The following MRPL41 variants were observed in gnomAD, a reference collection of about 807,000 sequenced individuals.
The protein encoded by MRPL41 is mitochondrial ribosomal protein L41.
MRPL41 carries 2 observed loss-of-function variants against 3.3 expected under a neutral mutation model. The ratio of observed to expected loss-of-function variants is 0.60; its 90% CI spans 0.25 to 1.90. MRPL41 has a LOEUF of 1.90. Among genes scored for constraint, MRPL41 ranks in the 40% most tolerant of loss-of-function variants. The pLI is 0.16. For missense variants in MRPL41, 161 were observed against 192.2 expected, an observed-to-expected ratio of 0.84 and a Z score of 0.96; for synonymous variants, 93 against 85.7, an observed-to-expected ratio of 1.08 and a Z score of -0.47.
Position 137,552,405 on chromosome 9 carries a change from C to T in MRPL41, c.324C>T (p.Thr108=), listed in dbSNP as rs779927227. ...PAIEKDFKDG[T]FDPDNLEKYG... is the part of the protein sequence containing the mutation. ...TCGAAAAGGACTTCAAGGACGGTAC[C>T]TTCGACCCTGACAACCTGGAAAAGT... The change falls in exon 2 of 2, where the codon ACC becomes ACT. Residue 108 remains threonine, a synonymous_variant. Transcript: ENST00000371443. 3 of 1,609,086 alleles carry T rather than the reference C, an allele frequency of 1.9e-6. No homozygotes were observed. Among genetic ancestry groups the T allele is most frequent in the Admixed American group, 1.7e-5 (1 of 59,670 alleles).
chr9:137,552,225 G>A lies in MRPL41; in HGVS notation c.144G>A (p.Trp48Ter), dbSNP rs1836987389. The change falls in exon 2 of 2, where the codon TGG (tryptophan) becomes TGA (stop). Residue 48 changes from tryptophan to a stop codon, truncating the protein, a stop_gained. Transcript: ENST00000371443. LOFTEE classifies it low-confidence loss of function (END_TRUNC). ...GCATCGGCTTCCTCACCTCGGGCTGGAGGTTCGTGCAGATCAAGGAGATGG... is the reference window on the plus strand; with the variant it reads ...GCATCGGCTTCCTCACCTCGGGCTGAAGGTTCGTGCAGATCAAGGAGATGG... The part of the protein sequence containing the change: ...AKGIGFLTSG[W>*]RFVQIKEMVP... The A allele has an allele frequency of 1.3e-6, 2 of 1,570,892 alleles. No homozygotes were observed. Among genetic ancestry groups the A allele is most frequent in the African/African-American group, 2.8e-5 (2 of 72,516 alleles).
chr9:137,552,192 C>T lies in MRPL41; in HGVS notation c.111C>T (p.Gly37=). 1 of 1,558,568 alleles carries T rather than the reference C, an allele frequency of 6.4e-7. No individual in the cohort carries two copies. The highest frequency in any genetic ancestry group is 8.7e-7 in the Non-Finnish European group (1 of 1,154,402). ...GCTTCAGGGGCCGCAAGGGCCGGGG[C>T]GCCAAGGGCATCGGCTTCCTCACCT... is the stretch of plus-strand genomic sequence containing the variant. ...PRSFRGRKGR[G]AKGIGFLTSG... The change falls in exon 2 of 2, where the codon GGC becomes GGT. Residue 37 remains glycine, a synonymous_variant. Transcript: ENST00000371443.
Position 137,552,551 on chromosome 9 carries a change from A to T in MRPL41, c.*56A>T. ...CTCATTTCTATTAAACGCCTTTGCCAGCTATACGGTGTTTGTTTTTTGGCC... is the reference window on the plus strand; with the variant it reads ...CTCATTTCTATTAAACGCCTTTGCCTGCTATACGGTGTTTGTTTTTTGGCC... On this transcript the variant is annotated 3_prime_UTR_variant, in exon 2 of 2. Coordinates refer to ENST00000371443, the MANE Select transcript of MRPL41 (RefSeq NM_032477.3). 1 of 1,457,850 alleles carries T rather than the reference A, an allele frequency of 6.9e-7. No homozygotes were observed. Among genetic ancestry groups the T allele is most frequent in the Non-Finnish European group, 9.1e-7 (1 of 1,096,894 alleles). 90.3% of individuals were successfully genotyped at this position (1,457,850 alleles called of 1,614,324 possible).
At position 137,552,139 on chromosome 9, in the gene MRPL41, A is replaced by G; in HGVS notation, c.58A>G (p.Lys20Glu). The change falls in exon 2 of 2, where the codon AAG becomes GAG. Residue 20 changes from lysine to glutamate, a missense_variant. By Grantham distance (56) the Lys-to-Glu change is moderately conservative. Transcript: ENST00000371443. ...CLVRGADRMS[K>E]WTSKRGPRSF... ...GGTCCGGGGTGCGGACCGAATGAGCAAGTGGACGAGCAAGCGGGGCCCGCG... is the reference window on the plus strand; with the variant it reads ...GGTCCGGGGTGCGGACCGAATGAGCGAGTGGACGAGCAAGCGGGGCCCGCG... 3.4e-6 allele frequency: 5 copies of G among 1,480,908 alleles called. No individual in the cohort carries two copies. The highest frequency in any genetic ancestry group is 4.5e-6 in the Non-Finnish European group (5 of 1,116,926). 91.7% of individuals were successfully genotyped at this position (1,480,908 alleles called of 1,614,324 possible). A position where few individuals can be genotyped will look rare whatever the true frequency, so the allele number is the denominator to read the frequency against.
In MRPL41 at chr9:137,552,083, TG is replaced by T; in HGVS notation, c.5del (p.Gly2?). The T allele has an allele frequency of 1.5e-6, 2 of 1,368,380 alleles. No individual in the cohort carries two copies. The highest frequency in any genetic ancestry group is 1.9e-6 in the Non-Finnish European group (2 of 1,058,104). The allele number at this position is 1,368,380 out of a possible 1,614,324, so 84.8% of individuals were successfully genotyped here. On this transcript the variant is annotated frameshift_variant and start_lost, in exon 2 of 2. Transcript: ENST00000371443. LOFTEE classifies it low-confidence loss of function (END_TRUNC). [M>X]GVLAAAARCL... ...CTCTCTCCTCCCGCAGGGCGCGGCA[TG>T]GGCGTCCTGGCCGCAGCGGCGCGCT...
rs1312182147 is a variant in MRPL41 at position 137,552,256 on chromosome 9, G to A, written c.175G>A (p.Glu59Lys). The A allele has an allele frequency of 6.3e-7, 1 of 1,582,812 alleles. No individual in the cohort carries two copies. Among genetic ancestry groups the A allele is most frequent in the East Asian group, 2.3e-5 (1 of 43,786 alleles). Residue 59 changes from glutamate (E) to lysine (K), a missense_variant, in exon 2 of 2, where the codon GAG becomes AAG. Coordinates refer to ENST00000371443, the MANE Select transcript of MRPL41 (RefSeq NM_032477.3). ...CGTGCAGATCAAGGAGATGGTCCCG[G>A]AGTTCGTCGTCCCGGATCTGACCGG... ...RFVQIKEMVP[E>K]FVVPDLTGFK...
At position 137,552,185 on chromosome 9, in the gene MRPL41, G is replaced by T. The variant is rs1588743259; in HGVS notation, c.104G>T (p.Gly35Val). The T allele has an allele frequency of 6.4e-7, 1 of 1,556,032 alleles. No individual in the cohort carries two copies. Among genetic ancestry groups the T allele is most frequent in the Non-Finnish European group, 8.7e-7 (1 of 1,153,058 alleles). Residue 35 changes from glycine to valine, a missense_variant, in exon 2 of 2, where the codon GGC becomes GTC. By Grantham distance (109) the Gly-to-Val change is moderately radical. Transcript: ENST00000371443. ...RGPRSFRGRK[G>V]RGAKGIGFLT... is the part of the protein sequence containing the mutation. ...CCGCGCAGCTTCAGGGGCCGCAAGGGCCGGGGCGCCAAGGGCATCGGCTTC... is the reference window on the plus strand; with the variant it reads ...CCGCGCAGCTTCAGGGGCCGCAAGGTCCGGGGCGCCAAGGGCATCGGCTTC...
In MRPL41 at chr9:137,552,428, A is replaced by C. The variant is rs1389510118; in HGVS notation, c.347A>C (p.Lys116Thr). Reference sequence around the variant, plus strand: ...ACCTTCGACCCTGACAACCTGGAAAAGTACGGCTTCGAGCCCACACAGGAG... The same window carrying C: ...ACCTTCGACCCTGACAACCTGGAAACGTACGGCTTCGAGCCCACACAGGAG... ...DGTFDPDNLE[K>T]YGFEPTQEGK... is the part of the protein sequence containing the mutation. Residue 116 changes from lysine (K) to threonine (T), a missense_variant, in exon 2 of 2, where the codon AAG becomes ACG. Lys to Thr is a moderately conservative substitution (Grantham distance 78). Transcript: ENST00000371443. 6.2e-7 allele frequency: 1 copy of C among 1,605,184 alleles called. No individual in the cohort carries two copies. Among genetic ancestry groups the C allele is most frequent in the Non-Finnish European group, 8.5e-7 (1 of 1,175,922 alleles).
At position 137,552,379 on chromosome 9, in the gene MRPL41, A is replaced by G. The variant is rs1201407015; in HGVS notation, c.298A>G (p.Ile100Val). 6.2e-7 allele frequency: 1 copy of G among 1,611,084 alleles called. No homozygotes were observed. The highest frequency in any genetic ancestry group is 1.3e-5 in the African/African-American group (1 of 74,806). The change falls in exon 2 of 2, where the codon ATC (isoleucine) becomes GTC (valine). Residue 100 changes from isoleucine to valine, a missense_variant. Coordinates refer to ENST00000371443, the MANE Select transcript of MRPL41 (RefSeq NM_032477.3). ...QLFSEAVAPA[I>V]EKDFKDGTFD... ...CTTCAGCGAAGCCGTGGCGCCTGCCATCGAAAAGGACTTCAAGGACGGTAC... is the reference window on the plus strand; with the variant it reads ...CTTCAGCGAAGCCGTGGCGCCTGCCGTCGAAAAGGACTTCAAGGACGGTAC...
chr9:137,552,255 G>A lies in MRPL41; in HGVS notation c.174G>A (p.Pro58=), dbSNP rs149264137. 2.5e-4 allele frequency: 397 copies of A among 1,582,014 alleles called. 1 individual carries two copies. The East Asian group carries it at 7.3e-3, about 29-fold the overall frequency. Residue 58 remains proline (P), a synonymous_variant, in exon 2 of 2, where the codon CCG becomes CCA. Coordinates refer to ENST00000371443, the MANE Select transcript of MRPL41 (RefSeq NM_032477.3). ...WRFVQIKEMV[P]EFVVPDLTGF... ...TCGTGCAGATCAAGGAGATGGTCCCGGAGTTCGTCGTCCCGGATCTGACCG... is the reference window on the plus strand; with the variant it reads ...TCGTGCAGATCAAGGAGATGGTCCCAGAGTTCGTCGTCCCGGATCTGACCG...
In MRPL41 at chr9:137,551,963, G is replaced by A. The variant is rs1243097010; in HGVS notation, c.-24G>A. 3.7e-6 allele frequency: 3 copies of A among 814,084 alleles called. No individual in the cohort carries two copies. Among genetic ancestry groups the A allele is most frequent in the Non-Finnish European group, 4.9e-6 (3 of 609,426 alleles). 50.4% of individuals were successfully genotyped at this position (814,084 alleles called of 1,614,324 possible). A position where few individuals can be genotyped will look rare whatever the true frequency, so the allele number is the denominator to read the frequency against. On this transcript the variant is annotated 5_prime_UTR_variant, in exon 1 of 2. Transcript: ENST00000371443. ...AGCCGGGGCCGCTTGGAGCTCGTGT[G>A]GGGTCTCCGGTCCAGGTGAGTCTGT...
chr9:137,552,465 C>T lies in MRPL41; in HGVS notation c.384C>T (p.Phe128=). Residue 128 remains phenylalanine, a synonymous_variant, in exon 2 of 2, where the codon TTC becomes TTT. Coordinates refer to ENST00000371443, the MANE Select transcript of MRPL41 (RefSeq NM_032477.3). ...GFEPTQEGKL[F]QLYPRNFLR Reference sequence around the variant, plus strand: ...AGCCCACACAGGAGGGAAAGCTCTTCCAGCTCTACCCCAGGAACTTCCTGC... The same window carrying T: ...AGCCCACACAGGAGGGAAAGCTCTTTCAGCTCTACCCCAGGAACTTCCTGC... 1 of 1,576,330 alleles carries T rather than the reference C, an allele frequency of 6.3e-7. No individual in the cohort carries two copies. Among genetic ancestry groups the T allele is most frequent in the Non-Finnish European group, 8.6e-7 (1 of 1,158,986 alleles).
Position 137,552,446 on chromosome 9 carries a change from C to T in MRPL41, c.365C>T (p.Thr122Ile). ...CTGGAAAAGTACGGCTTCGAGCCCA[C>T]ACAGGAGGGAAAGCTCTTCCAGCTC... ...DNLEKYGFEP[T>I]QEGKLFQLYP... Residue 122 changes from threonine to isoleucine, a missense_variant, in exon 2 of 2, where the codon ACA becomes ATA. Physicochemically the swap from Thr to Ile is moderately conservative, Grantham distance 89. Transcript: ENST00000371443. 6.3e-7 allele frequency: 1 copy of T among 1,594,266 alleles called. No individual in the cohort carries two copies.
At position 137,551,962 on chromosome 9, in the gene MRPL41, T is replaced by TG. The variant is rs1382419167; in HGVS notation, c.-21dup. ...GAGCCGGGGCCGCTTGGAGCTCGTGTGGGGTCTCCGGTCCAGGTGAGTCTG... is the reference window on the plus strand; with the variant it reads ...GAGCCGGGGCCGCTTGGAGCTCGTGTGGGGGTCTCCGGTCCAGGTGAGTCTG... On this transcript the variant is annotated 5_prime_UTR_variant, in exon 1 of 2. Transcript: ENST00000371443. The TG allele has an allele frequency of 5.1e-6, 4 of 791,778 alleles. No individual in the cohort carries two copies. Among genetic ancestry groups the TG allele is most frequent in the Non-Finnish European group, 6.8e-6 (4 of 589,902 alleles). 49.0% of individuals were successfully genotyped at this position (791,778 alleles called of 1,614,324 possible).
chr9:137,551,912 C>G lies in MRPL41; in HGVS notation c.-75C>G, dbSNP rs939138973. The G allele has an allele frequency of 2.2e-5, 10 of 456,214 alleles. No individual in the cohort carries two copies. Among genetic ancestry groups the G allele is most frequent in the Non-Finnish European group, 3.5e-5 (10 of 284,208 alleles). 28.3% of individuals were successfully genotyped at this position (456,214 alleles called of 1,614,324 possible). Reference sequence around the variant, plus strand: ...TGCGACGCAGCGGTCGGAAGCGGAGCAAGGTCGAGGCCGGGTTGGCGCCGG... The same window carrying G: ...TGCGACGCAGCGGTCGGAAGCGGAGGAAGGTCGAGGCCGGGTTGGCGCCGG... On this transcript the variant is annotated 5_prime_UTR_variant, in exon 1 of 2. Coordinates refer to ENST00000371443, the MANE Select transcript of MRPL41 (RefSeq NM_032477.3).
rs369439866 is a variant in MRPL41 at position 137,552,106 on chromosome 9, C to T, written c.25C>T (p.Arg9Cys). Reference sequence around the variant, plus strand: ...CATGGGCGTCCTGGCCGCAGCGGCGCGCTGCCTGGTCCGGGGTGCGGACCG... The same window carrying T: ...CATGGGCGTCCTGGCCGCAGCGGCGTGCTGCCTGGTCCGGGGTGCGGACCG... MGVLAAAA[R>C]CLVRGADRMS... Residue 9 changes from arginine to cysteine, a missense_variant, in exon 2 of 2, where the codon CGC becomes TGC. Coordinates refer to ENST00000371443, the MANE Select transcript of MRPL41 (RefSeq NM_032477.3). The T allele has an allele frequency of 1.3e-5, 18 of 1,405,114 alleles. No individual in the cohort carries two copies. The African/African-American group carries it at 2.4e-4, about 19-fold the overall frequency. The allele number at this position is 1,405,114 out of a possible 1,614,324, so 87.0% of individuals were successfully genotyped here.
Position 137,551,927 on chromosome 9 carries a change from G to C in MRPL41, c.-60G>C. The C allele has an allele frequency of 1.9e-6, 1 of 531,576 alleles. No homozygotes were observed. The highest frequency in any genetic ancestry group is 2.8e-6 in the Non-Finnish European group (1 of 352,366). The allele number at this position is 531,576 out of a possible 1,614,324, so 32.9% of individuals were successfully genotyped here. On this transcript the variant is annotated 5_prime_UTR_variant, in exon 1 of 2. Coordinates refer to ENST00000371443, the MANE Select transcript of MRPL41 (RefSeq NM_032477.3). ...GGAAGCGGAGCAAGGTCGAGGCCGGGTTGGCGCCGGAGCCGGGGCCGCTTG... is the reference window on the plus strand; with the variant it reads ...GGAAGCGGAGCAAGGTCGAGGCCGGCTTGGCGCCGGAGCCGGGGCCGCTTG...
rs1482071860 is a variant in MRPL41 at position 137,552,371 on chromosome 9, C to T, written c.290C>T (p.Ala97Val). 6.2e-7 allele frequency: 1 copy of T among 1,611,496 alleles called. No homozygotes were observed. The highest frequency in any genetic ancestry group is 2.2e-5 in the East Asian group (1 of 44,670). ...TAAQLFSEAV[A>V]PAIEKDFKDG... ...GCGCAGCTCTTCAGCGAAGCCGTGG[C>T]GCCTGCCATCGAAAAGGACTTCAAG... Residue 97 changes from alanine to valine, a missense_variant, in exon 2 of 2, where the codon GCG (alanine) becomes GTG (valine). Transcript: ENST00000371443.
In MRPL41 at chr9:137,552,154, CG is replaced by C. The variant is rs1347050163; in HGVS notation, c.77del (p.Gly26AlafsTer40). 2.0e-6 allele frequency: 3 copies of C among 1,509,008 alleles called. No homozygotes were observed. Among genetic ancestry groups the C allele is most frequent in the Non-Finnish European group, 2.7e-6 (3 of 1,132,054 alleles). The allele number at this position is 1,509,008 out of a possible 1,614,324, so 93.5% of individuals were successfully genotyped here. A position where few individuals can be genotyped will look rare whatever the true frequency, so the allele number is the denominator to read the frequency against. On this transcript the variant is annotated frameshift_variant, in exon 2 of 2. Transcript: ENST00000371443. LOFTEE classifies it low-confidence loss of function (END_TRUNC). ...ADRMSKWTSK[R>X]GPRSFRGRKG... ...CCGAATGAGCAAGTGGACGAGCAAGCGGGGCCCGCGCAGCTTCAGGGGCCGC... is the reference window on the plus strand; with the variant it reads ...CCGAATGAGCAAGTGGACGAGCAAGCGGGCCCGCGCAGCTTCAGGGGCCGC...
Sources: gnomAD v4.1 joint callset for allele counts on GRCh38, gnomAD v4.1.1 for gene constraint, MANE v1.5 for transcripts, NCBI Gene and HGNC (gene_info 2026-07-23, HGNC 2026-07-21) for gene names.